The following SLC8A1 variants were observed in gnomAD, a reference collection of about 807,000 sequenced individuals.
SLC8A1 encodes sodium/calcium exchanger 1.
Under a neutral mutation model 68.3 loss-of-function variants are expected in SLC8A1, and 18 were observed. The observed-to-expected ratio is 0.26, with a 90% CI of 0.18 to 0.39. SLC8A1 has a LOEUF of 0.39. SLC8A1 is among the 10% of genes least tolerant of loss of function. SLC8A1 has a pLI of 1.00. For missense variants in SLC8A1, 985 were observed against 1,156.7 expected (o/e 0.85, Z 2.15); for synonymous variants, 475 against 415.5 (o/e 1.14, Z -1.74).
At chr2:40,102,267 C>T (rs2033938224) in exon 8 of SLC8A1, 1 of 151,994 alleles carries the variant, frequency 6.6e-6, no homozygotes, top group Non-Finnish European at 1.5e-5. Flanking sequence ...TCTCTTGTCA[C>T]CTAGGTGATA....
intron 2 of SLC8A1, chr2:40,337,190 C>T (rs1301413039): frequency 9.0e-6 from 2 of 221,420 alleles, no homozygotes; most frequent in Admixed American, 7.9e-5. Context: ...ATGTCAAACA[C>T]ATTTTTTAAG....
At chr2:40,421,028 GA>G (rs1466199392) in intron 2 of SLC8A1, among the ~76,000 whole-genome samples, 3 of 151,980 alleles carry the variant, frequency 2.0e-5, no homozygotes, top group African/African-American at 7.2e-5. Context: ...AGAATAGCAT[GA>G]AACTTGTTGT....
intron 6 of SLC8A1, among the ~76,000 whole-genome samples, chr2:40,142,648 A>G (rs78544907): frequency 6.6e-6 from 1 of 152,298 alleles, no homozygotes; most frequent in East Asian, 1.9e-4. Context: ...GCCATTTATA[A>G]ATTGAGAGTA....
At chr2:40,374,863 C>A (rs1043274990) in intron 2 of SLC8A1, among the ~76,000 whole-genome samples, 4 of 152,044 alleles carry the variant, frequency 2.6e-5, no homozygotes, top group Non-Finnish European at 4.4e-5. Flanking sequence ...AGAATTGAGA[C>A]ACTGAAAATA....
chr2:40,299,442 C>A (rs948608528), intron 2 of SLC8A1, among the ~76,000 whole-genome samples: 2 of 152,196 alleles, frequency 1.3e-5, no homozygotes, highest in African/African-American at 4.8e-5. Flanking sequence ...TGTGGCTGAA[C>A]TCATCTCCTA....
intron 2 of SLC8A1, among the ~76,000 whole-genome samples, chr2:40,198,356 G>C (rs1202302358): frequency 6.6e-6 from 1 of 151,792 alleles, no homozygotes; most frequent in Non-Finnish European, 1.5e-5. Flanking sequence ...CAGAGTTCTT[G>C]TTTGCATTTC....
At chr2:40,363,050 A>C (rs1190051611) in intron 2 of SLC8A1, among the ~76,000 whole-genome samples, 1 of 151,958 alleles carries the variant, frequency 6.6e-6, no homozygotes, top group African/African-American at 2.4e-5. Flanking sequence ...CACCACCCCT[A>C]GAAGGTACTG....
chr2:40,380,772 A>C (rs780999977), intron 2 of SLC8A1, among the ~76,000 whole-genome samples: 1 of 152,106 alleles, frequency 6.6e-6, no homozygotes, highest in African/African-American at 2.4e-5. Context: ...ACAAAGGAAA[A>C]GGAGAAAATA....
At chr2:40,229,062 T>C (rs900544078) in intron 2 of SLC8A1, among the ~76,000 whole-genome samples, 11 of 152,158 alleles carry the variant, frequency 7.2e-5, no homozygotes, top group South Asian at 2.1e-4. Flanking sequence ...TAGCAAATTA[T>C]TTTTATTTTA....
chr2:40,509,000 G>A (rs998168655), intron 1 of SLC8A1, among the ~76,000 whole-genome samples: 1 of 152,110 alleles, frequency 6.6e-6, no homozygotes, highest in African/African-American at 2.4e-5. Flanking sequence ...TCATATCAGG[G>A]AAATAAATCA....
chr2:40,144,548 G>A (rs1228528384), intron 6 of SLC8A1, among the ~76,000 whole-genome samples: 2 of 151,602 alleles, frequency 1.3e-5, no homozygotes, highest in Non-Finnish European at 1.5e-5. Context: ...AATGCCTAGT[G>A]TTATATAGAT....
rs761934738 is a variant in SLC8A1 at position 40,501,001 on chromosome 2, A to G, written c.-25+11348T>C. Among the ~76,000 whole-genome samples the G allele has an allele frequency of 5.9e-5, 9 of 151,720 alleles. No homozygotes were observed. In the East Asian group the frequency reaches 1.7e-3, roughly 29 times the overall value. ...AGCTGCTGGCTATATCTCTGATGTA[A>G]TGTTCGAAAAACTCTCCTACCTGTT... On this transcript the variant is annotated intron_variant, in intron 1 of 7. Coordinates refer to the SLC8A1 transcript ENST00000402441.
chr2:40,346,325 T>C (rs935934252), intron 2 of SLC8A1, among the ~76,000 whole-genome samples: 1 of 152,116 alleles, frequency 6.6e-6, no homozygotes, highest in Admixed American at 6.6e-5. Context: ...TCTTACCACA[T>C]AATGAGAAAA....
intron 2 of SLC8A1, among the ~76,000 whole-genome samples, chr2:40,283,050 C>A (rs1047135411): frequency 2.6e-5 from 4 of 152,164 alleles, no homozygotes; most frequent in African/African-American, 7.2e-5. Flanking sequence ...TATCAAGCCA[C>A]AAATTTTACT....
At chr2:40,261,879 T>C (rs1310519930) in intron 2 of SLC8A1, among the ~76,000 whole-genome samples, 2 of 152,228 alleles carry the variant, frequency 1.3e-5, no homozygotes, top group Non-Finnish European at 2.9e-5. Context: ...TATCAAAATT[T>C]ACTATTTTGT....
chr2:40,350,151 AT>A (rs1206670146), intron 2 of SLC8A1, among the ~76,000 whole-genome samples: 3 of 152,114 alleles, frequency 2.0e-5, no homozygotes, highest in Admixed American at 6.6e-5. Context: ...AATCCATTTG[AT>A]CTAAACAACT....
intron 2 of SLC8A1, among the ~76,000 whole-genome samples, chr2:40,200,843 G>A (rs528427182): frequency 4.0e-5 from 6 of 151,382 alleles, no homozygotes; most frequent in South Asian, 2.1e-4. Context: ...TTATATAGTC[G>A]GTTTATATTG....
chr2:40,258,378 A>G (rs972942696), intron 2 of SLC8A1, among the ~76,000 whole-genome samples: 2 of 152,176 alleles, frequency 1.3e-5, no homozygotes, highest in Non-Finnish European at 2.9e-5. Context: ...AAATGAAAGA[A>G]AGTAACTGAC....
chr2:40,185,913 CTG>C (rs1197690276), intron 2 of SLC8A1, among the ~76,000 whole-genome samples: 1 of 152,084 alleles, frequency 6.6e-6, no homozygotes, highest in Non-Finnish European at 1.5e-5. Context: ...AAATAGAAAA[CTG>C]TGATTTCCAC....
Sources: gnomAD v4.1 joint callset for allele counts (sites outside exome capture counted in the v4.1 genomes callset) on GRCh38, gnomAD v4.1.1 for gene constraint, MANE v1.5 for transcripts, NCBI Gene and HGNC (gene_info 2026-07-23, HGNC 2026-07-21) for gene names.